The following DPP6 variants were observed in gnomAD, a reference collection of about 807,000 sequenced individuals.
DPP6 encodes A-type potassium channel modulatory protein DPP6.
A neutral mutation model predicts 122.6 loss-of-function variants in DPP6; 69 were observed. The ratio of observed to expected loss-of-function variants is 0.56; its 90% CI spans 0.46 to 0.69. DPP6 has a LOEUF of 0.69. DPP6 is among the 30% of genes least tolerant of loss of function. The pLI, the probability that DPP6 is intolerant of heterozygous loss-of-function variation, is 0.00. For missense variants in DPP6, 928 were observed against 1,116.9 expected (o/e 0.83, Z 2.41); for synonymous variants, 418 against 433.1 (o/e 0.97, Z 0.43).
intron 5 of DPP6, among the ~76,000 whole-genome samples, chr7:154,605,037 G>C (rs1233128595): frequency 9.1e-6 from 1 of 110,260 alleles, no homozygotes; most frequent in African/African-American, 2.8e-5. Flanking sequence ...TTTTTTTTGA[G>C]AAGATTAATA....
At position 154,029,786 on chromosome 7, in the gene DPP6, C is replaced by T. The variant is rs1799135767; in HGVS notation, c.51+142052C>T. On this transcript the variant is annotated intron_variant, in intron 1 of 25. Transcript: ENST00000404039. ...GCGTGAACCCGGGAGGCAGAGCTTG[C>T]AGTGAGCTGAGATCACGCCACTACA... is the stretch of plus-strand genomic sequence containing the variant. Among the ~76,000 whole-genome samples the T allele has an allele frequency of 2.7e-5, 4 of 150,842 alleles. No homozygotes were observed. In the South Asian group the frequency reaches 8.4e-4, roughly 32 times the overall value.
chr7:154,309,481 C>T (rs1171921668), intron 1 of DPP6, among the ~76,000 whole-genome samples: 1 of 152,120 alleles, frequency 6.6e-6, no homozygotes, highest in Non-Finnish European at 1.5e-5. Flanking sequence ...CATTGAAATG[C>T]ATGTGAATTC....
At chr7:153,771,050 A>G in the DPP6 span, among the ~76,000 whole-genome samples, 1 of 152,242 alleles carries the variant, frequency 6.6e-6, no homozygotes, top group Non-Finnish European at 1.5e-5. Context: ...ATGTTTGAAG[A>G]AATATTGGCT....
chr7:154,763,280 C>T (rs936424968), intron 8 of DPP6, among the ~76,000 whole-genome samples: 2 of 151,058 alleles, frequency 1.3e-5, no homozygotes, highest in African/African-American at 4.9e-5. Context: ...TGCAGTGAGC[C>T]GAGATTGTGC....
chr7:153,891,376 CTG>C (rs568015441), intron 1 of DPP6, among the ~76,000 whole-genome samples: 25 of 152,230 alleles, frequency 1.6e-4, no homozygotes, highest in African/African-American at 5.3e-4. Flanking sequence ...ACTTATAATA[CTG>C]TGAGAATTCA....
At chr7:154,824,902 A>G (rs4960621) in intron 16 of DPP6, among the ~76,000 whole-genome samples, 92,054 of 152,078 alleles carry the variant, frequency 0.61, 30,888 homozygotes, top group Non-Finnish European at 0.75. Flanking sequence ...GGTCTCTGAC[A>G]GGAACCGTTG....
chr7:154,384,147 G>A (rs1442530194), intron 1 of DPP6, among the ~76,000 whole-genome samples: 1 of 152,156 alleles, frequency 6.6e-6, no homozygotes, highest in Non-Finnish European at 1.5e-5. Flanking sequence ...GGAGCGCTAA[G>A]AGCGTTGGTG....
chr7:154,056,201 A>C (rs916878177), intron 1 of DPP6, among the ~76,000 whole-genome samples: 1 of 152,180 alleles, frequency 6.6e-6, no homozygotes, highest in African/African-American at 2.4e-5. Context: ...TAACATGCAA[A>C]GTCTGACTTC....
chr7:154,431,812 C>A (rs950152666), intron 1 of DPP6, among the ~76,000 whole-genome samples: 2 of 152,100 alleles, frequency 1.3e-5, no homozygotes, highest in Admixed American at 6.6e-5. Context: ...GGATTACAGG[C>A]GAGAGCCACC....
chr7:154,528,273 C>T (rs1301198099), intron 3 of DPP6, among the ~76,000 whole-genome samples: 1 of 152,158 alleles, frequency 6.6e-6, no homozygotes, highest in Non-Finnish European at 1.5e-5. Context: ...TCTCCCTATC[C>T]ATATAGCGTT....
intron 17 of DPP6, among the ~76,000 whole-genome samples, chr7:154,857,254 G>C (rs1003872562): frequency 6.6e-6 from 1 of 152,212 alleles, no homozygotes; most frequent in Admixed American, 6.5e-5. Context: ...ATCTTGCTCA[G>C]TGTCTATGTT....
At chr7:154,801,542 A>G (rs1798367008) in intron 13 of DPP6, 80 bp downstream of exon 13, 1 of 1,462,616 alleles carries the variant, frequency 6.8e-7, no homozygotes, top group African/African-American at 1.4e-5. Context: ...AGGGCTGGGC[A>G]CACTTGCGTT....
chr7:154,885,719 T>C lies in DPP6; in HGVS notation c.2220T>C (p.Ser740=), dbSNP rs1806093452. 8.1e-6 allele frequency: 13 copies of C among 1,597,698 alleles called. No homozygotes were observed. The highest frequency in any genetic ancestry group is 2.3e-5 in the East Asian group (1 of 44,226). Reference sequence around the variant, plus strand: ...CATTCACCTGCGGCTCTGCTCTCTCTCCAATAACAGACTTCAAACTCTATG... The same window carrying C: ...CATTCACCTGCGGCTCTGCTCTCTCCCCAATAACAGACTTCAAACTCTATG... ...GQTFTCGSAL[S]PITDFKLYAS... Residue 740 remains serine, a synonymous_variant, in exon 22 of 26, where the codon TCT becomes TCC. Coordinates refer to ENST00000377770, the MANE Select transcript of DPP6 (RefSeq NM_130797.4).
chr7:154,499,220 A>G (rs1379013087), intron 3 of DPP6, among the ~76,000 whole-genome samples: 1 of 152,212 alleles, frequency 6.6e-6, no homozygotes, highest in East Asian at 1.9e-4. Flanking sequence ...TTAGAGAAGA[A>G]AGGAGTAAAA....
At chr7:154,488,071 T>C (rs1823948806) in intron 3 of DPP6, among the ~76,000 whole-genome samples, 1 of 152,132 alleles carries the variant, frequency 6.6e-6, no homozygotes, top group Non-Finnish European at 1.5e-5. Context: ...ACTGATTGAA[T>C]GATTCAGCAA....
chr7:154,577,471 C>G (rs1249124882), intron 5 of DPP6, among the ~76,000 whole-genome samples: 1 of 152,104 alleles, frequency 6.6e-6, no homozygotes, highest in Admixed American at 6.5e-5. Flanking sequence ...AGGATTAGGT[C>G]CTCCAAAGCC....
chr7:154,058,091 A>ACC, intron 1 of DPP6: 1 of 140,978 alleles, frequency 7.1e-6, no homozygotes, highest in Non-Finnish European at 1.6e-5. Context: ...GGAGGGAGGC[A>ACC]TCCCCCATGA....
chr7:154,829,494 G>GGGGA (rs1800457611), intron 16 of DPP6, among the ~76,000 whole-genome samples: 1 of 44,048 alleles, frequency 2.3e-5, no homozygotes, highest in African/African-American at 7.2e-5. Context: ...GACAGAAGGA[G>GGGGA]GGAAGGAAGG....
chr7:153,895,360 C>T (rs1377875185), intron 1 of DPP6, among the ~76,000 whole-genome samples: 3 of 152,098 alleles, frequency 2.0e-5, no homozygotes, highest in Admixed American at 6.5e-5. Context: ...CCTCATGTGT[C>T]GAATAAGGAA....
Sources: allele counts gnomAD v4.1 joint callset (sites outside exome capture counted in the v4.1 genomes callset), GRCh38; gene constraint gnomAD v4.1.1; transcripts MANE v1.5; gene names NCBI Gene and HGNC (gene_info 2026-07-23, HGNC 2026-07-21).